The following RB1 variants were observed in gnomAD, a reference collection of about 807,000 sequenced individuals.
The protein encoded by RB1 is RB transcriptional corepressor 1.
RB1 carries 18 observed loss-of-function variants against 135.4 expected under a neutral mutation model. That is an observed-to-expected ratio of 0.13 (90% CI 0.09 to 0.20). The LOEUF (loss-of-function observed/expected upper bound fraction) is 0.20. Ranked by LOEUF, RB1 falls within the 10% of genes least tolerant of loss-of-function variation. The probability of loss-of-function intolerance (pLI) is 1.00; values close to 1 mark genes in which losing one functional copy is unlikely to be tolerated. For synonymous variants in RB1, 365 were observed against 373.2 expected (o/e 0.98, Z 0.25); for missense variants, 868 against 1,110.0 (o/e 0.78, Z 3.10).
rs756329704 is a variant in RB1 at position 48,376,923 on chromosome 13, C to T, written c.1221C>T (p.Cys407=). 4 of 1,613,528 alleles carry T rather than the reference C, an allele frequency of 2.5e-6. No homozygotes were observed. The highest frequency in any genetic ancestry group is 2.7e-5 in the African/African-American group (2 of 74,978). ...TCTGTTTTTACCTCCTAAAGAACTG[C>T]ACAGTGAATCCAAAAGAAAGTATAC... The part of the protein sequence containing the change: ...SENLISYFNN[C]TVNPKESILK... The change falls in exon 13 of 27, where the codon TGC becomes TGT. Residue 407 remains cysteine (C), a synonymous_variant. Coordinates refer to ENST00000267163, the MANE Select transcript of RB1 (RefSeq NM_000321.3).
intron 11 of RB1, among the ~76,000 whole-genome samples, chr13:48,372,650 C>CA (rs60724332): frequency 0.047 from 6,051 of 128,844 alleles, 282 homozygotes; most frequent in African/African-American, 0.13. Context: ...GGCTCCTTCT[C>CA]AAAAAAAAAA....
At chr13:48,307,189 A>G (rs948055402) in intron 1 of RB1, 91 bp from the exon 2 acceptor site, 2 of 997,124 alleles carry the variant, frequency 2.0e-6, no homozygotes, top group South Asian at 2.8e-5. Context: ...TTTTCACAGT[A>G]GTGTTATGTG....
chr13:48,343,423 G>A (rs576079305), intron 3 of RB1, among the ~76,000 whole-genome samples: 3 of 152,142 alleles, frequency 2.0e-5, no homozygotes, highest in East Asian at 1.9e-4. Context: ...TTATTTAAAC[G>A]AGATAGATTA....
intron 21 of RB1, 41 bp from the exon 22 acceptor site, chr13:48,464,957 A>AATTT: frequency 8.8e-7 from 1 of 1,136,270 alleles, no homozygotes; most frequent in Non-Finnish European, 1.2e-6. Context: ...AGTAAATTTT[A>AATTT]CTTTTTTTTT....
intron 6 of RB1, among the ~76,000 whole-genome samples, chr13:48,357,190 G>A (rs918303853): frequency 1.1e-4 from 17 of 151,518 alleles, no homozygotes; most frequent in African/African-American, 4.1e-4. Context: ...ATTCAGCTAG[G>A]TTGTTCTATA....
chr13:48,454,084 A>C (rs1404282158), intron 18 of RB1, among the ~76,000 whole-genome samples: 3 of 152,194 alleles, frequency 2.0e-5, no homozygotes, highest in African/African-American at 4.8e-5. Context: ...TTTTCATTTA[A>C]TCTTCATAAC....
intron 7 of RB1, among the ~76,000 whole-genome samples, chr13:48,361,912 A>G (rs918029124): frequency 1.3e-5 from 2 of 149,344 alleles, no homozygotes; most frequent in African/African-American, 4.9e-5. Context: ...TCTAGAGGCA[A>G]TACATACTTT....
chr13:48,408,302 C>G (rs2138191399), intron 17 of RB1, among the ~76,000 whole-genome samples: 1 of 151,740 alleles, frequency 6.6e-6, no homozygotes, highest in Admixed American at 6.6e-5. Flanking sequence ...TTAAAATAAA[C>G]TAGGTACTTG....
At chr13:48,394,681 A>G (rs1431509820) in intron 17 of RB1, among the ~76,000 whole-genome samples, 1 of 152,232 alleles carries the variant, frequency 6.6e-6, no homozygotes, top group Non-Finnish European at 1.5e-5. Context: ...CGCTGTAGCC[A>G]GACTGCCTTT....
chr13:48,465,014 T>C lies in RB1; in HGVS notation c.2228T>C (p.Leu743Ser), dbSNP rs2138344588. The change falls in exon 22 of 27, where the codon TTG (leucine) becomes TCG (serine). Residue 743 changes from leucine to serine, a missense_variant. Coordinates refer to ENST00000267163, the MANE Select transcript of RB1 (RefSeq NM_000321.3). Reference protein sequence around the residue: ...HAVQETFKRVLIKEEEYDSII... With the variant: ...HAVQETFKRVSIKEEEYDSII... Reference sequence around the variant, plus strand: ...CTTCCTCAGACATTCAAACGTGTTTTGATCAAAGAAGAGGAGTATGATTCT... The same window carrying C: ...CTTCCTCAGACATTCAAACGTGTTTCGATCAAAGAAGAGGAGTATGATTCT... The C allele has an allele frequency of 2.5e-6, 4 of 1,606,316 alleles. No individual in the cohort carries two copies. Among genetic ancestry groups the C allele is most frequent in the Non-Finnish European group, 3.4e-6 (4 of 1,177,452 alleles).
At chr13:48,445,083 A>C (rs1391995898) in intron 17 of RB1, 3 of 151,976 alleles carry the variant, frequency 2.0e-5, no homozygotes, top group East Asian at 1.9e-4. Context: ...CTGTGCCTAC[A>C]CCCGCCTGGC....
chr13:48,339,418 C>T (rs1952420555), intron 2 of RB1, among the ~76,000 whole-genome samples: 3 of 152,226 alleles, frequency 2.0e-5, no homozygotes, highest in Non-Finnish European at 4.4e-5. Flanking sequence ...AGTTTGATCT[C>T]AGACTGCTGT....
intron 19 of RB1, among the ~76,000 whole-genome samples, chr13:48,456,598 G>C (rs770855858): frequency 2.6e-5 from 4 of 151,370 alleles, no homozygotes; most frequent in African/African-American, 9.7e-5. Flanking sequence ...AGGCCCACCG[G>C]GCTCATTTCA....
At chr13:48,374,111 A>G (rs1250509120) in intron 12 of RB1, among the ~76,000 whole-genome samples, 1 of 152,080 alleles carries the variant, frequency 6.6e-6, no homozygotes, top group Non-Finnish European at 1.5e-5. Flanking sequence ...CCATACCCCT[A>G]CAATCTTTTT....
rs1362209626 is a variant in RB1, at chr13:48,380,391, T to A, written c.1498+150T>A. ...ATATACTGAAGAATGTAATTGGTCATTATAAGCCATTTAAGAGGCTTATTT... is the reference window on the plus strand; with the variant it reads ...ATATACTGAAGAATGTAATTGGTCAATATAAGCCATTTAAGAGGCTTATTT... On this transcript the variant is annotated intron_variant, in intron 16 of 26. Transcript: ENST00000267163. 5 of 618,296 alleles carry A rather than the reference T, an allele frequency of 8.1e-6. No individual in the cohort carries two copies. The East Asian group carries it at 1.5e-4, about 18-fold the overall frequency. 38.3% of individuals were successfully genotyped at this position (618,296 alleles called of 1,614,324 possible).
chr13:48,450,696 A>C (rs1005070055), intron 17 of RB1, among the ~76,000 whole-genome samples: 1 of 152,072 alleles, frequency 6.6e-6, no homozygotes, highest in African/African-American at 2.4e-5. Context: ...CATGTGAATT[A>C]GTTTTTTCTA....
Position 48,481,259 on chromosome 13 carries a change from G to A in RB1, c.*1188G>A. On this transcript the variant is annotated 3_prime_UTR_variant, in exon 27 of 27. Coordinates refer to ENST00000267163, the MANE Select transcript of RB1 (RefSeq NM_000321.3). ...AGTCCAAAATTACAAGTAATCAAGG[G>A]TCATTATGGGTTAGGCATTAATGTT... The A allele has an allele frequency of 4.3e-6, 1 of 231,836 alleles. No individual in the cohort carries two copies. The highest frequency in any genetic ancestry group is 8.5e-6 in the Non-Finnish European group (1 of 117,020). The allele number at this position is 231,836 out of a possible 1,614,324, so 14.4% of individuals were successfully genotyped here.
Position 48,476,819 on chromosome 13 carries a change from A to C in RB1, c.2639A>C (p.Glu880Ala), listed in dbSNP as rs1259535894. Residue 880 changes from glutamate to alanine, a missense_variant, in exon 25 of 27, where the codon GAA becomes GCA. Around this residue, in one of 3 missense-constraint regions of RB1, gnomAD observed 196 missense variants for 239.8 expected, o/e 0.82. Transcript: ENST00000267163. ...KPLKKLRFDI[E>A]GSDEADGSKH... is the part of the protein sequence containing the mutation. ...CTGAAAAAACTACGCTTTGATATTG[A>C]AGGATCAGATGAAGCAGATGGAAGG... 2 of 1,613,514 alleles carry C rather than the reference A, an allele frequency of 1.2e-6. No individual in the cohort carries two copies. The highest frequency in any genetic ancestry group is 1.7e-6 in the Non-Finnish European group (2 of 1,179,634).
intron 2 of RB1, chr13:48,328,486 T>C (rs1166118602): frequency 3.6e-6 from 3 of 826,670 alleles, no homozygotes; most frequent in Non-Finnish European, 4.3e-6. Context: ...GGCTGGAACT[T>C]TCCTCTCCAT....
Sources: allele counts gnomAD v4.1 joint callset (sites outside exome capture counted in the v4.1 genomes callset), GRCh38; gene constraint gnomAD v4.1.1; regional missense constraint gnomAD v4.1.1; transcripts MANE v1.5; gene names NCBI Gene and HGNC (gene_info 2026-07-23, HGNC 2026-07-21).